The following ENDOD1 variants were observed in gnomAD, a reference collection of about 807,000 sequenced individuals.
ENDOD1 encodes endonuclease domain containing 1.
Under a neutral mutation model 6.5 loss-of-function variants are expected in ENDOD1, and 9 were observed. That is an observed-to-expected ratio of 1.39 (90% CI 0.84 to 2.43). The LOEUF is 2.43. Ranked by LOEUF, ENDOD1 falls within the 30% of genes most tolerant of loss-of-function variation. The pLI is 0.00. For synonymous variants in ENDOD1, 255 were observed against 255.2 expected (o/e 1.00, Z 0.01); for missense variants, 648 against 635.5 (o/e 1.02, Z -0.21).
At chr11:95,108,939 C>G (rs1221091608) in intron 1 of ENDOD1, among the ~76,000 whole-genome samples, 1 of 152,174 alleles carries the variant, frequency 6.6e-6, no homozygotes, top group Non-Finnish European at 1.5e-5. Flanking sequence ...CACCCACGAT[C>G]TTTTCTAAGG....
At chr11:95,120,992 T>G (rs1356950247) in intron 1 of ENDOD1, among the ~76,000 whole-genome samples, 1 of 152,082 alleles carries the variant, frequency 6.6e-6, no homozygotes, top group Non-Finnish European at 1.5e-5. Context: ...TGTACTCCCC[T>G]CTCCCCAGTA....
At chr11:95,102,321 A>G (rs1354206786) in intron 1 of ENDOD1, among the ~76,000 whole-genome samples, 2 of 151,762 alleles carry the variant, frequency 1.3e-5, no homozygotes, top group African/African-American at 4.8e-5. Flanking sequence ...TTAACCTCAA[A>G]TTATATTTAT....
At chr11:95,102,958 C>G (rs1555111047) in intron 1 of ENDOD1, among the ~76,000 whole-genome samples, 1 of 152,164 alleles carries the variant, frequency 6.6e-6, no homozygotes, top group East Asian at 1.9e-4. Context: ...AGTGATGTCT[C>G]TCAGACTCCA....
At chr11:95,092,239 T>A (rs1858938102) in intron 1 of ENDOD1, among the ~76,000 whole-genome samples, 1 of 152,002 alleles carries the variant, frequency 6.6e-6, no homozygotes, top group Admixed American at 6.6e-5. Flanking sequence ...TTGGAACAGG[T>A]AAACTAATAC....
rs574738969 is a variant in ENDOD1, at chr11:95,109,477, C to T, written c.301-18900C>T. ...TCTTTCAACAAATGCCAGTCACTCC[C>T]TGGTGTGCAGGACCATCATGCTAGG... On this transcript the variant is annotated intron_variant, in intron 1 of 1. Transcript: ENST00000278505. 2.9e-3 allele frequency among the ~76,000 whole-genome samples: 446 copies of T among 152,390 alleles called. 2 individuals are homozygous for T. The highest frequency in any genetic ancestry group is 0.01 in the African/African-American group (418 of 41,584).
At chr11:95,107,251 G>A (rs1417235561) in intron 1 of ENDOD1, among the ~76,000 whole-genome samples, 1 of 151,390 alleles carries the variant, frequency 6.6e-6, no homozygotes, top group Non-Finnish European at 1.5e-5. Context: ...GGAGAATGGC[G>A]TGAACCTAGG....
At chr11:95,092,746 C>T (rs1858943484) in intron 1 of ENDOD1, among the ~76,000 whole-genome samples, 1 of 152,158 alleles carries the variant, frequency 6.6e-6, no homozygotes, top group Admixed American at 6.5e-5. Context: ...GCCTGGAGTG[C>T]ACTGCAGCAA....
chr11:95,090,326 G>C, intron 1 of ENDOD1, 99 bp downstream of exon 1: 1 of 1,332,962 alleles, frequency 7.5e-7, no homozygotes, highest in Non-Finnish European at 9.6e-7. Flanking sequence ...GCCGGGAACA[G>C]CAATCCCTAC....
chr11:95,125,539 C>T (rs988778296), intron 1 of ENDOD1, among the ~76,000 whole-genome samples: 7 of 151,784 alleles, frequency 4.6e-5, no homozygotes, highest in African/African-American at 1.2e-4. Context: ...GTGTGCTGCA[C>T]CCATTAACTC....
At chr11:95,108,327 C>G (rs1353078326) in intron 1 of ENDOD1, among the ~76,000 whole-genome samples, 2 of 152,138 alleles carry the variant, frequency 1.3e-5, no homozygotes, top group African/African-American at 2.4e-5. Flanking sequence ...GTGCACAGCA[C>G]AGGCCAGAGC....
chr11:95,103,986 T>G (rs527379635), intron 1 of ENDOD1, among the ~76,000 whole-genome samples: 1 of 152,354 alleles, frequency 6.6e-6, no homozygotes, highest in South Asian at 2.1e-4. Context: ...ACACCTGCTC[T>G]GTCACCACCT....
chr11:95,120,457 A>G (rs1859252334), intron 1 of ENDOD1, among the ~76,000 whole-genome samples: 1 of 152,108 alleles, frequency 6.6e-6, no homozygotes, highest in Admixed American at 6.5e-5. Flanking sequence ...TAGAAATGTC[A>G]TCCAGGGGCT....
intron 1 of ENDOD1, among the ~76,000 whole-genome samples, chr11:95,124,646 G>A (rs1388455210): frequency 1.3e-5 from 2 of 152,214 alleles, no homozygotes; most frequent in African/African-American, 4.8e-5. Context: ...TTGGGCCACG[G>A]CCTTCCCAGC....
At position 95,089,999 on chromosome 11, in the gene ENDOD1, G is replaced by A; in HGVS notation, c.72G>A (p.Val24=). 6.4e-7 allele frequency: 1 copy of A among 1,566,826 alleles called. No individual in the cohort carries two copies. The highest frequency in any genetic ancestry group is 8.6e-7 in the Non-Finnish European group (1 of 1,158,406). Reference sequence around the variant, plus strand: ...CTGGGCTGCTGGAAGGCCGGCTCGTGGGCGAGGAGGAAGCCGGCTTTGGCG... The same window carrying A: ...CTGGGCTGCTGGAAGGCCGGCTCGTAGGCGAGGAGGAAGCCGGCTTTGGCG... ...ALAGLLEGRL[V]GEEEAGFGEC... is the part of the protein sequence containing the mutation. Residue 24 remains valine (V), a synonymous_variant, in exon 1 of 2, where the codon GTG becomes GTA. Transcript: ENST00000278505.
chr11:95,092,689 G>A lies in ENDOD1; in HGVS notation c.300+2462G>A, dbSNP rs80329505. 5.1e-3 allele frequency among the ~76,000 whole-genome samples: 784 copies of A among 152,270 alleles called. 3 individuals are homozygous for A. The highest frequency in any genetic ancestry group is 0.014 in the Middle Eastern group (4 of 294). ...CAAGTCAAGTCAGCCAGGATCCAGA[G>A]AGTATTGGGAGAGAGGGAGGGAGGA... On this transcript the variant is annotated intron_variant, in intron 1 of 1. Transcript: ENST00000278505.
chr11:95,119,244 G>A (rs548992963), intron 1 of ENDOD1, among the ~76,000 whole-genome samples: 1 of 152,256 alleles, frequency 6.6e-6, no homozygotes, highest in South Asian at 2.1e-4. Flanking sequence ...TCTGTGTCTG[G>A]GCATTGAAGA....
At chr11:95,097,202 A>G (rs935785803) in intron 1 of ENDOD1, among the ~76,000 whole-genome samples, 8 of 152,140 alleles carry the variant, frequency 5.3e-5, no homozygotes, top group Admixed American at 4.6e-4. Flanking sequence ...TTAAGGAGAA[A>G]AAGCAAGGAA....
At chr11:95,118,950 ACT>A (rs1859237071) in intron 1 of ENDOD1, among the ~76,000 whole-genome samples, 2 of 152,068 alleles carry the variant, frequency 1.3e-5, no homozygotes, top group South Asian at 2.1e-4. Flanking sequence ...TATTAAAAAG[ACT>A]CTGATGCATT....
Position 95,090,028 on chromosome 11 carries a change from GT to G in ENDOD1, c.102del (p.Cys34TrpfsTer20). The G allele has an allele frequency of 6.3e-7, 1 of 1,594,826 alleles. No homozygotes were observed. Among genetic ancestry groups the G allele is most frequent in the Non-Finnish European group, 8.5e-7 (1 of 1,172,320 alleles). Reference sequence around the variant, plus strand: ...GAGGAGGAAGCCGGCTTTGGCGAATGTGACAAGTTCTTCTACGCCGGGACCC... The same window carrying G: ...GAGGAGGAAGCCGGCTTTGGCGAATGGACAAGTTCTTCTACGCCGGGACCC... ...VGEEEAGFGE[C>X]DKFFYAGTPP... On this transcript the variant is annotated frameshift_variant, in exon 1 of 2. Transcript: ENST00000278505. LOFTEE classifies it high-confidence loss of function.
Sources: gnomAD v4.1 joint callset for allele counts (sites outside exome capture counted in the v4.1 genomes callset) on GRCh38, gnomAD v4.1.1 for gene constraint, MANE v1.5 for transcripts, NCBI Gene and HGNC (gene_info 2026-07-23, HGNC 2026-07-21) for gene names.